CASD1: variants seen among roughly 807,000 people sequenced by gnomAD.
CASD1 encodes the protein N-acetylneuraminate (7)9-O-acetyltransferase.
In CASD1, 41 loss-of-function variants were observed where a neutral mutation model predicts 100.0. The observed-to-expected ratio is 0.41, with a 90% confidence interval of 0.32 to 0.53. The LOEUF is 0.53. CASD1 is among the 20% of genes least tolerant of loss of function. The pLI, the probability that CASD1 is intolerant of heterozygous loss-of-function variation, is 0.25. For missense variants in CASD1, 774 were observed against 948.7 expected, an observed-to-expected ratio of 0.82 and a Z score of 2.42; for synonymous variants, 321 against 315.6, an observed-to-expected ratio of 1.02 and a Z score of -0.18.
At chr7:94,550,578 C>T (rs1304180738) in intron 14 of CASD1, among the ~76,000 whole-genome samples, 1 of 152,056 alleles carries the variant, frequency 6.6e-6, no homozygotes, top group Non-Finnish European at 1.5e-5. Flanking sequence ...TGTAAAATCA[C>T]ACCAGCAGAT....
At chr7:94,631,452 G>C in the CASD1 span, among the ~76,000 whole-genome samples, 1 of 151,900 alleles carries the variant, frequency 6.6e-6, no homozygotes, top group Admixed American at 6.6e-5. Flanking sequence ...TATCCCAGAG[G>C]TAAAACTGCT....
the CASD1 span, among the ~76,000 whole-genome samples, chr7:94,614,329 T>C: frequency 6.6e-6 from 1 of 152,286 alleles, no homozygotes; most frequent in South Asian, 2.1e-4. Flanking sequence ...CACACAGCAT[T>C]TCCTCCATTC....
the CASD1 span, among the ~76,000 whole-genome samples, chr7:94,608,519 T>G: frequency 1.2e-4 from 18 of 152,202 alleles, no homozygotes; most frequent in Non-Finnish European, 2.4e-4. Context: ...ATAGATTCAA[T>G]GTAATCTCAA....
chr7:94,559,879 A>T (rs1562954161), downstream of CASD1, among the ~76,000 whole-genome samples: 1 of 152,208 alleles, frequency 6.6e-6, no homozygotes, highest in Non-Finnish European at 1.5e-5. Context: ...GAAAAATGGA[A>T]TAATTAAATG....
the CASD1 span, among the ~76,000 whole-genome samples, chr7:94,610,640 G>GA: frequency 6.6e-6 from 1 of 151,424 alleles, no homozygotes; most frequent in Non-Finnish European, 1.5e-5. Flanking sequence ...AGCAGTAACA[G>GA]AAAAAAAATA....
At chr7:94,583,295 T>C in the CASD1 span, among the ~76,000 whole-genome samples, 27 of 152,350 alleles carry the variant, frequency 1.8e-4, no homozygotes, top group Non-Finnish European at 3.2e-4. Flanking sequence ...ATTTCATTAC[T>C]GCCATTGGCA....
the CASD1 span, among the ~76,000 whole-genome samples, chr7:94,562,260 C>G: frequency 3.0e-3 from 458 of 152,252 alleles, 3 homozygotes; most frequent in African/African-American, 0.01. Flanking sequence ...TTCTTGATCC[C>G]TTTTTCCTTC....
Position 94,533,234 on chromosome 7 carries a change from A to G in CASD1, c.489A>G (p.Val163=). The change falls in exon 6 of 18, where the codon GTA becomes GTG. Residue 163 remains valine, a synonymous_variant. Transcript: ENST00000297273. ...CCATTGCAAAGCCACATGTGATTGT[A>G]GCAGGAGCTGCCACAGTAAGTTATC... ...EDSIAKPHVI[V]AGAATWSIKI... 1 of 1,610,232 alleles carries G rather than the reference A, an allele frequency of 6.2e-7. No homozygotes were observed. Among genetic ancestry groups the G allele is most frequent in the South Asian group, 1.1e-5 (1 of 90,620 alleles).
chr7:94,511,725 C>A (rs976814950), intron 1 of CASD1, among the ~76,000 whole-genome samples: 1 of 152,180 alleles, frequency 6.6e-6, no homozygotes, highest in Non-Finnish European at 1.5e-5. Flanking sequence ...AACTACAGTA[C>A]TATTGTCCTA....
At chr7:94,624,294 A>G in the CASD1 span, 17 of 398,026 alleles carry the variant, frequency 4.3e-5, 1 homozygote, top group Admixed American at 4.0e-4. Flanking sequence ...CTAAAAATAA[A>G]TATCTTGTGC....
the CASD1 span, chr7:94,587,903 T>G: frequency 6.7e-7 from 1 of 1,488,042 alleles, no homozygotes; most frequent in Non-Finnish European, 8.9e-7. Flanking sequence ...TTTAAGAGAC[T>G]TACTTAATAG....
intron 16 of CASD1, chr7:94,554,240 C>G (rs1197249283): frequency 7.3e-6 from 2 of 274,772 alleles, no homozygotes; most frequent in Admixed American, 1.0e-4. Context: ...TAAAATTGTT[C>G]AGCCATGTAC....
intron 4 of CASD1, 28 bp downstream of exon 4, chr7:94,527,234 GT>G: frequency 6.6e-7 from 1 of 1,519,674 alleles, no homozygotes; most frequent in Non-Finnish European, 9.1e-7. Flanking sequence ...TAAGCTAGAT[GT>G]TACAATGTTG....
In CASD1 at chr7:94,510,157, C is replaced by G; in HGVS notation, c.73C>G (p.Leu25Val). 1 of 1,529,172 alleles carries G rather than the reference C, an allele frequency of 6.5e-7. No homozygotes were observed. The highest frequency in any genetic ancestry group is 8.8e-7 in the Non-Finnish European group (1 of 1,136,942). 94.7% of individuals were successfully genotyped at this position (1,529,172 alleles called of 1,614,324 possible). A position where few individuals can be genotyped will look rare whatever the true frequency, so the allele number is the denominator to read the frequency against. ...CTTCAGCGTGAGGAGCGCCAAGGTG[C>G]TGGCGCTGGTGGCCGTGCTGCTGCT... ...HYFSVRSAKV[L>V]ALVAVLLLAA... The change falls in exon 1 of 18, where the codon CTG becomes GTG. Residue 25 changes from leucine (L) to valine (V), a missense_variant. Coordinates refer to ENST00000297273, the MANE Select transcript of CASD1 (RefSeq NM_022900.5).
At chr7:94,587,697 A>G in the CASD1 span, 1 of 1,532,722 alleles carries the variant, frequency 6.5e-7, no homozygotes, top group South Asian at 1.3e-5. Flanking sequence ...ATTTAATTAA[A>G]GCAAGTAATC....
At chr7:94,543,822 T>G (rs1194283877) in intron 10 of CASD1, among the ~76,000 whole-genome samples, 1 of 152,222 alleles carries the variant, frequency 6.6e-6, no homozygotes, top group Non-Finnish European at 1.5e-5. Context: ...TGGATTCAAA[T>G]GTGTTGTATT....
At chr7:94,520,830 G>A (rs1035102490) in intron 3 of CASD1, among the ~76,000 whole-genome samples, 1 of 152,038 alleles carries the variant, frequency 6.6e-6, no homozygotes, top group East Asian at 1.9e-4. Flanking sequence ...GGTGGCTCGT[G>A]CCTGTAATCC....
intron 1 of CASD1, among the ~76,000 whole-genome samples, chr7:94,516,707 G>A (rs982657825): frequency 1.3e-5 from 2 of 149,882 alleles, no homozygotes; most frequent in African/African-American, 4.9e-5. Context: ...CTTTGGTCAT[G>A]TATATTTAGC....
chr7:94,543,835 A>G (rs528499153), intron 10 of CASD1, among the ~76,000 whole-genome samples: 15 of 152,320 alleles, frequency 9.8e-5, no homozygotes, highest in African/African-American at 3.6e-4. Context: ...GTTGTATTTC[A>G]TTCAACTTAG....
Sources: gnomAD v4.1 joint callset for allele counts (sites outside exome capture counted in the v4.1 genomes callset) on GRCh38, gnomAD v4.1.1 for gene constraint, MANE v1.5 for transcripts, NCBI Gene and HGNC (gene_info 2026-07-23, HGNC 2026-07-21) for gene names.